Variants in TSPAN15 observed in about 807,000 individuals in gnomAD.
TSPAN15 encodes the protein tetraspanin 15, also known as tetraspanin-15.
A neutral mutation model predicts 34.5 loss-of-function variants in TSPAN15; 20 were observed. The observed-to-expected ratio is 0.58, with a 90% CI of 0.41 to 0.84. The LOEUF (loss-of-function observed/expected upper bound fraction) is 0.84. Among genes scored for constraint, TSPAN15 ranks in the 40% least tolerant of loss-of-function variants. The pLI is 0.00. For missense variants in TSPAN15, 313 were observed against 386.1 expected, an observed-to-expected ratio of 0.81 and a Z score of 1.59; for synonymous variants, 155 against 153.9, an observed-to-expected ratio of 1.01 and a Z score of -0.05.
At chr10:69,507,804 G>T (rs368500100), downstream of TSPAN15, 427 of 530,130 alleles carry the variant, frequency 8.1e-4, 4 homozygotes, top group African/African-American at 7.5e-3. Flanking sequence ...GGATACAGGT[G>T]GGGGGTTGGG....
At chr10:69,508,296 C>A (rs1400185115), downstream of TSPAN15, among the ~76,000 whole-genome samples, 1 of 151,842 alleles carries the variant, frequency 6.6e-6, no homozygotes, top group Admixed American at 6.6e-5. Context: ...CAAAAATTAG[C>A]CGGGCATGGT....
chr10:69,548,945 T>C, the TSPAN15 span, among the ~76,000 whole-genome samples: 1 of 140,094 alleles, frequency 7.1e-6, no homozygotes, highest in Non-Finnish European at 1.6e-5. Context: ...AGCTCTAGAG[T>C]GAAGGTTACT....
At chr10:69,545,470 A>T in the TSPAN15 span, among the ~76,000 whole-genome samples, 3 of 152,096 alleles carry the variant, frequency 2.0e-5, no homozygotes, top group Admixed American at 2.0e-4. Context: ...CTGGGGAGGG[A>T]GGCTGAGGGG....
chr10:69,491,192 C>T (rs1456791140), intron 3 of TSPAN15, among the ~76,000 whole-genome samples: 1 of 152,210 alleles, frequency 6.6e-6, no homozygotes, highest in African/African-American at 2.4e-5. Flanking sequence ...CCCCTGGGTT[C>T]TCTTCCATTC....
At chr10:69,507,790 C>G, downstream of TSPAN15, 1 of 529,674 alleles carries the variant, frequency 1.9e-6, no homozygotes, top group African/African-American at 2.2e-5. Flanking sequence ...TTTGGCATAG[C>G]TTGGGATACA....
At chr10:69,530,816 CTCTCTATATATATATATATATA>C in the TSPAN15 span, among the ~76,000 whole-genome samples, 36 of 52,416 alleles carry the variant, frequency 6.9e-4, no homozygotes, top group African/African-American at 1.6e-3. Flanking sequence ...CTCTCTCTCT[CTCTCTATATATATATATATATA>C]TATATATATA....
chr10:69,498,577 G>T (rs1332942912), intron 5 of TSPAN15, among the ~76,000 whole-genome samples, 181 bp downstream of exon 5: 3 of 152,310 alleles, frequency 2.0e-5, no homozygotes, highest in Non-Finnish European at 4.4e-5. Flanking sequence ...GAGCTTCTGG[G>T]GGTCGGGGGT....
At chr10:69,481,306 T>C (rs1841730208) in intron 1 of TSPAN15, among the ~76,000 whole-genome samples, 1 of 152,168 alleles carries the variant, frequency 6.6e-6, no homozygotes. Context: ...GGCATCCTTC[T>C]AGACTGGGGG....
chr10:69,473,755 C>T (rs1258055052), intron 1 of TSPAN15, among the ~76,000 whole-genome samples: 1 of 152,130 alleles, frequency 6.6e-6, no homozygotes, highest in Non-Finnish European at 1.5e-5. Flanking sequence ...TCCCCTTTGT[C>T]CTCTTTGGAG....
chr10:69,456,212 C>T (rs1390499705), intron 1 of TSPAN15, among the ~76,000 whole-genome samples: 2 of 151,928 alleles, frequency 1.3e-5, no homozygotes, highest in South Asian at 2.1e-4. Context: ...CTCAGCCTCC[C>T]GAGTAGCTAG....
At chr10:69,469,896 G>T (rs752338717) in intron 1 of TSPAN15, among the ~76,000 whole-genome samples, 13 of 152,112 alleles carry the variant, frequency 8.5e-5, no homozygotes, top group African/African-American at 3.1e-4. Flanking sequence ...CTAACTCCAG[G>T]TAAATGTGTC....
At chr10:69,533,770 G>A in the TSPAN15 span, among the ~76,000 whole-genome samples, 1 of 152,224 alleles carries the variant, frequency 6.6e-6, no homozygotes, top group Non-Finnish European at 1.5e-5. Context: ...ACAACCTAGG[G>A]CTTGTGATTG....
At position 69,451,662 on chromosome 10, in the gene TSPAN15, C is replaced by T. The variant is rs1044802460; in HGVS notation, c.68C>T (p.Ser23Leu). ...ARFSYLWLKFSLIIYSTVFWL... is the reference protein window; with the variant it reads ...ARFSYLWLKFLLIIYSTVFWL... ...TTCTCCTACCTCTGGCTCAAGTTTT[C>T]ACTTATCATCTATTCCACCGTGTTC... The change falls in exon 1 of 8, where the codon TCA (serine) becomes TTA (leucine). Residue 23 changes from serine (S) to leucine (L), a missense_variant. By Grantham distance (145) the Ser-to-Leu change is moderately radical (BLOSUM62 -2). Transcript: ENST00000373290. 6.5e-7 allele frequency: 1 copy of T among 1,543,814 alleles called. No homozygotes were observed.
Position 69,498,279 on chromosome 10 carries a change from G to T in TSPAN15, c.454-1G>T. On this transcript the variant is annotated splice_acceptor_variant, in intron 4 of 7. Transcript: ENST00000373290. LOFTEE classifies it high-confidence loss of function. ...TCCTCTTTCCTGCTTGCTTCCCTCA[G>T]TTCAAGTGCTGTGGCGGGGAGGACT... 2 of 1,613,878 alleles carry T rather than the reference G, an allele frequency of 1.2e-6. No individual in the cohort carries two copies.
rs150125653 is a variant in TSPAN15, at chr10:69,452,782, A to G, written c.96+1092A>G. Reference sequence around the variant, plus strand: ...AATCGCTCTCTGCCTGCAGTATGCCACAAGAGCAGACTTGCCCAGGGACCC... The same window carrying G: ...AATCGCTCTCTGCCTGCAGTATGCCGCAAGAGCAGACTTGCCCAGGGACCC... On this transcript the variant is annotated intron_variant, in intron 1 of 7. Coordinates refer to ENST00000373290, the MANE Select transcript of TSPAN15 (RefSeq NM_012339.5). Among the ~76,000 whole-genome samples, 565 of 152,294 alleles carry G rather than the reference A, an allele frequency of 3.7e-3. 8 individuals are homozygous for G. The highest frequency in any genetic ancestry group is 0.013 in the African/African-American group (538 of 41,544).
At chr10:69,543,705 T>TGGTCC in the TSPAN15 span, among the ~76,000 whole-genome samples, 2 of 151,694 alleles carry the variant, frequency 1.3e-5, no homozygotes, top group African/African-American at 4.8e-5. Context: ...TCCCTGGCGG[T>TGGTCC]GGTCCGGAAT....
At chr10:69,531,949 A>C in the TSPAN15 span, among the ~76,000 whole-genome samples, 3 of 135,532 alleles carry the variant, frequency 2.2e-5, no homozygotes, top group Admixed American at 1.6e-4. Flanking sequence ...ACAAAAAAAA[A>C]ACAAAAAAAA....
At chr10:69,454,967 G>A (rs1485486641) in intron 1 of TSPAN15, among the ~76,000 whole-genome samples, 4 of 151,798 alleles carry the variant, frequency 2.6e-5, no homozygotes, top group South Asian at 2.1e-4. Context: ...GATCAAGACC[G>A]TCCTGGCCAA....
chr10:69,542,671 A>G, the TSPAN15 span, among the ~76,000 whole-genome samples: 28,941 of 152,124 alleles, frequency 0.19, 3,038 homozygotes, highest in East Asian at 0.31. Context: ...CCGGTGTGGC[A>G]GGGGGGAGCC....
Sources: allele counts gnomAD v4.1 joint callset (sites outside exome capture counted in the v4.1 genomes callset), GRCh38; gene constraint gnomAD v4.1.1; transcripts MANE v1.5; gene names NCBI Gene and HGNC (gene_info 2026-07-23, HGNC 2026-07-21).